CPN1: variants seen among roughly 807,000 people sequenced by gnomAD.
The protein encoded by CPN1 is carboxypeptidase N subunit 1, also known as carboxypeptidase N catalytic chain.
In CPN1, 37 loss-of-function variants were observed where a neutral mutation model predicts 46.4. That is an observed-to-expected ratio of 0.80 (90% CI 0.61 to 1.05). CPN1 has a LOEUF of 1.05. Ranked by LOEUF, CPN1 falls within the 50% of genes least tolerant of loss-of-function variation. CPN1 has a pLI of 0.00. For missense variants in CPN1, 563 were observed against 602.6 expected, an observed-to-expected ratio of 0.93 and a Z score of 0.69; for synonymous variants, 224 against 235.4, an observed-to-expected ratio of 0.95 and a Z score of 0.44.
intron 7 of CPN1, 71 bp downstream of exon 7, chr10:100,054,276 G>T: frequency 8.2e-7 from 1 of 1,216,642 alleles, no homozygotes; most frequent in Non-Finnish European, 1.2e-6. Context: ...TTACAAACTG[G>T]CCCCTTGATT....
chr10:100,081,416 T>G lies in CPN1; in HGVS notation c.210A>C (p.Gly70=), dbSNP rs1310188763. ...TTCAGAACTTACAGGGCTCGTGGAT[T>G]CCAGGGTGGTCGCTGAACTCCAGCA... The part of the protein sequence containing the change: ...LYVLEFSDHP[G]IHEPLEPEVK... Residue 70 remains glycine (G), a synonymous_variant, in exon 1 of 9, where the codon GGA becomes GGC. Transcript: ENST00000370418. 1.9e-6 allele frequency: 3 copies of G among 1,612,766 alleles called. No individual in the cohort carries two copies. In the South Asian group the frequency reaches 3.3e-5, roughly 18 times the overall value.
At chr10:100,048,907 C>T (rs1221587659) in intron 7 of CPN1, 31 bp from the exon 8 acceptor site, 2 of 1,541,186 alleles carry the variant, frequency 1.3e-6, no homozygotes, top group Non-Finnish European at 9.0e-7. Context: ...ACTCAGTCTA[C>T]TGATTAAAAA....
chr10:100,042,293 A>T lies in CPN1; in HGVS notation c.*134T>A. On this transcript the variant is annotated 3_prime_UTR_variant, in exon 9 of 9. Coordinates refer to ENST00000370418, the MANE Select transcript of CPN1 (RefSeq NM_001308.3). ...TAGAGATGGCTTACCCCTGGAACAGATGGAGACCATTCTGAATTGTTCTGA... is the reference window on the plus strand; with the variant it reads ...TAGAGATGGCTTACCCCTGGAACAGTTGGAGACCATTCTGAATTGTTCTGA... 8.0e-7 allele frequency: 1 copy of T among 1,255,092 alleles called. No homozygotes were observed. Among genetic ancestry groups the T allele is most frequent in the Non-Finnish European group, 1.2e-6 (1 of 869,010 alleles). 77.7% of individuals were successfully genotyped at this position (1,255,092 alleles called of 1,614,324 possible).
chr10:100,044,361 G>A (rs562556985), intron 8 of CPN1, among the ~76,000 whole-genome samples: 14 of 152,080 alleles, frequency 9.2e-5, no homozygotes, highest in African/African-American at 3.4e-4. Context: ...CTGGGCCCCG[G>A]AAGATATTTT....
intron 3 of CPN1, among the ~76,000 whole-genome samples, 194 bp downstream of exon 3, chr10:100,069,520 G>T (rs1427508870): frequency 6.6e-6 from 1 of 151,746 alleles, no homozygotes; most frequent in Non-Finnish European, 1.5e-5. Context: ...CTCCATGGAG[G>T]GCTCTATGCT....
Position 100,075,345 on chromosome 10 carries a change from C to G in CPN1, c.420+566G>C, listed in dbSNP as rs533584935. On this transcript the variant is annotated intron_variant, in intron 2 of 8. Coordinates refer to ENST00000370418, the MANE Select transcript of CPN1 (RefSeq NM_001308.3). ...TATCGGTCCCACTGCAAATATAACT[C>G]TAAAATATAGAATCAATAGACTAAG... is the stretch of plus-strand genomic sequence containing the variant. Among the ~76,000 whole-genome samples, 104 of 152,228 alleles carry G rather than the reference C, an allele frequency of 6.8e-4. 1 individual carries two copies. The highest frequency in any genetic ancestry group is 2.4e-3 in the African/African-American group (101 of 41,562).
chr10:100,051,602 A>G (rs2041353949), intron 7 of CPN1, among the ~76,000 whole-genome samples: 1 of 151,748 alleles, frequency 6.6e-6, no homozygotes, highest in African/African-American at 2.4e-5. Flanking sequence ...ATCCTGGCTC[A>G]CTGCAACCTC....
chr10:100,047,095 A>G lies in CPN1; in HGVS notation c.1230+1663T>C, dbSNP rs1362927374. On this transcript the variant is annotated intron_variant, in intron 8 of 8. Transcript: ENST00000370418. Reference sequence around the variant, plus strand: ...TCGAAAAAAAAAAAAAATTAGCTGGACATGGCGGCATGTGCCTGTAGTCCC... The same window carrying G: ...TCGAAAAAAAAAAAAAATTAGCTGGGCATGGCGGCATGTGCCTGTAGTCCC... Among the ~76,000 whole-genome samples, 3 of 151,582 alleles carry G rather than the reference A, an allele frequency of 2.0e-5. No individual in the cohort carries two copies. In the East Asian group the frequency reaches 5.9e-4, roughly 30 times the overall value.
At chr10:100,070,981 A>C (rs2041480975) in intron 2 of CPN1, among the ~76,000 whole-genome samples, 2 of 152,096 alleles carry the variant, frequency 1.3e-5, no homozygotes, top group Non-Finnish European at 2.9e-5. Flanking sequence ...TAATAACTTT[A>C]TCTCTCCTTA....
At chr10:100,071,732 T>G (rs2041486886) in intron 2 of CPN1, among the ~76,000 whole-genome samples, 1 of 152,232 alleles carries the variant, frequency 6.6e-6, no homozygotes, top group African/African-American at 2.4e-5. Flanking sequence ...AACAGTACAT[T>G]ATAACAACTG....
At chr10:100,061,898 G>A (rs567043444) in intron 5 of CPN1, among the ~76,000 whole-genome samples, 96 of 152,202 alleles carry the variant, frequency 6.3e-4, no homozygotes, top group Admixed American at 1.5e-3. Context: ...CTGGAGTGCA[G>A]TGTCATGATC....
Position 100,042,273 on chromosome 10 carries a change from A to T in CPN1, c.*154T>A. On this transcript the variant is annotated 3_prime_UTR_variant, in exon 9 of 9. Coordinates refer to ENST00000370418, the MANE Select transcript of CPN1 (RefSeq NM_001308.3). ...TAATTTTTTTCATGATGACCTAGAG[A>T]TGGCTTACCCCTGGAACAGATGGAG... 1 of 1,049,110 alleles carries T rather than the reference A, an allele frequency of 9.5e-7. No homozygotes were observed. Among genetic ancestry groups the T allele is most frequent in the Non-Finnish European group, 1.4e-6 (1 of 695,532 alleles). 65.0% of individuals were successfully genotyped at this position (1,049,110 alleles called of 1,614,324 possible).
intron 1 of CPN1, 132 bp from the exon 2 acceptor site, chr10:100,076,239 A>G: frequency 4.6e-6 from 4 of 877,778 alleles, no homozygotes; most frequent in Admixed American, 2.0e-5. Context: ...TTTTGCAATA[A>G]TCCCTGAGCC....
intron 5 of CPN1, among the ~76,000 whole-genome samples, chr10:100,057,812 T>C (rs1194889677): frequency 6.6e-6 from 1 of 152,170 alleles, no homozygotes; most frequent in Non-Finnish European, 1.5e-5. Context: ...GGTCATACAG[T>C]GGTATTTAGC....
At chr10:100,073,609 TC>T (rs2041498181) in intron 2 of CPN1, among the ~76,000 whole-genome samples, 1 of 144,336 alleles carries the variant, frequency 6.9e-6, no homozygotes. Flanking sequence ...GGCTCTTCCA[TC>T]TTTTTTTTTT....
chr10:100,081,792 T>A lies in CPN1; in HGVS notation c.-167A>T, dbSNP rs745729622. 3.3e-5 allele frequency: 22 copies of A among 675,236 alleles called. No individual in the cohort carries two copies. Among genetic ancestry groups the A allele is most frequent in the Non-Finnish European group, 4.8e-5 (18 of 372,376 alleles). The allele number at this position is 675,236 out of a possible 1,614,324, so 41.8% of individuals were successfully genotyped here. A position where few individuals can be genotyped will look rare whatever the true frequency, so the allele number is the denominator to read the frequency against. On this transcript the variant is annotated 5_prime_UTR_variant, in exon 1 of 9. Transcript: ENST00000370418. ...TCCGTCCAAGGCTGGAAATTCTTTA[T>A]GTCGTTCTGGAATAGCCACTCATCT...
chr10:100,065,934 G>GGA (rs1225505308), intron 3 of CPN1, among the ~76,000 whole-genome samples: 12 of 151,352 alleles, frequency 7.9e-5, no homozygotes, highest in Non-Finnish European at 1.6e-4. Flanking sequence ...AGAGAGAAAG[G>GGA]GAGAGAGAGA....
Position 100,057,059 on chromosome 10 carries a change from C to G in CPN1, c.965G>C (p.Arg322Pro). 1 of 1,614,138 alleles carries G rather than the reference C, an allele frequency of 6.2e-7. No individual in the cohort carries two copies. Among genetic ancestry groups the G allele is most frequent in the Non-Finnish European group, 8.5e-7 (1 of 1,180,028 alleles). The change falls in exon 6 of 9, where the codon CGG (arginine) becomes CCG (proline). Residue 322 changes from arginine to proline, a missense_variant. Arg to Pro is a moderately radical substitution (Grantham distance 103). Coordinates refer to ENST00000370418, the MANE Select transcript of CPN1 (RefSeq NM_001308.3). The stretch of plus-strand genomic sequence containing the variant: ...GGCTTCCCGATTACCCAGCCACTCC[C>G]GCTGTAACTCCTCTTCGGGGGGAAA... Reference protein sequence around the residue: ...DKFPPEEELQREWLGNREALI... With the variant: ...DKFPPEEELQPEWLGNREALI...
At chr10:100,055,493 C>T (rs1257615401) in intron 6 of CPN1, among the ~76,000 whole-genome samples, 1 of 152,058 alleles carries the variant, frequency 6.6e-6, no homozygotes, top group African/African-American at 2.4e-5. Flanking sequence ...ATAATGTCCT[C>T]AAGATTCATC....
Sources: gnomAD v4.1 joint callset for allele counts (sites outside exome capture counted in the v4.1 genomes callset) on GRCh38, gnomAD v4.1.1 for gene constraint, MANE v1.5 for transcripts, NCBI Gene and HGNC (gene_info 2026-07-23, HGNC 2026-07-21) for gene names.